Variants in SOX5 observed in about 807,000 individuals in gnomAD.
SOX5 encodes SRY-box transcription factor 5.
In SOX5, 9 loss-of-function variants were observed where a neutral mutation model predicts 92.0. The observed-to-expected ratio is 0.10, with a 90% CI of 0.06 to 0.17. SOX5 has a LOEUF of 0.17. SOX5 is among the 10% of genes least tolerant of loss of function. The pLI is 1.00. For synonymous variants in SOX5, 344 were observed against 336.3 expected, an observed-to-expected ratio of 1.02 and a Z score of -0.25; for missense variants, 642 against 944.5, an observed-to-expected ratio of 0.68 and a Z score of 4.20.
At chr12:24,420,742 A>G (rs973882753) in intron 1 of SOX5, among the ~76,000 whole-genome samples, 1 of 152,196 alleles carries the variant, frequency 6.6e-6, no homozygotes, top group African/African-American at 2.4e-5. Flanking sequence ...TGCAACCCCT[A>G]ATAAATTAAT....
At chr12:24,171,525 C>T (rs1044560719) in intron 4 of SOX5, among the ~76,000 whole-genome samples, 6 of 151,988 alleles carry the variant, frequency 3.9e-5, no homozygotes, top group African/African-American at 1.5e-4. Flanking sequence ...GCCTGGCCAG[C>T]CAACAGACAG....
chr12:23,836,617 A>T (rs2096417715), intron 3 of SOX5, among the ~76,000 whole-genome samples: 1 of 151,908 alleles, frequency 6.6e-6, no homozygotes, highest in Non-Finnish European at 1.5e-5. Context: ...AATTTGTGTT[A>T]GTTTGCTGTT....
intron 4 of SOX5, among the ~76,000 whole-genome samples, chr12:23,983,105 AT>A (rs62869160): frequency 0.32 from 46,771 of 145,054 alleles, 7,740 homozygotes; most frequent in Middle Eastern, 0.39. Flanking sequence ...TCTGGAGTCC[AT>A]TTTTTTTTTT....
chr12:23,789,820 T>G (rs1004815324), intron 3 of SOX5, among the ~76,000 whole-genome samples: 1 of 152,130 alleles, frequency 6.6e-6, no homozygotes, highest in African/African-American at 2.4e-5. Context: ...ACCAGATATA[T>G]GTGAGAAAGA....
intron 9 of SOX5, among the ~76,000 whole-genome samples, chr12:23,585,905 CATAATAAAAG>C (rs1378930297): frequency 2.0e-5 from 3 of 152,058 alleles, no homozygotes; most frequent in Non-Finnish European, 4.4e-5. Flanking sequence ...ACCCCATTTG[CATAATAAAAG>C]ATTCACGGGC....
chr12:24,086,846 C>G (rs1046444186), intron 4 of SOX5, among the ~76,000 whole-genome samples: 7 of 151,896 alleles, frequency 4.6e-5, no homozygotes, highest in Admixed American at 1.3e-4. Context: ...CTGTGAGACA[C>G]AAAAACACAG....
chr12:24,337,343 T>TTC (rs1952026210), intron 2 of SOX5, among the ~76,000 whole-genome samples: 1 of 151,162 alleles, frequency 6.6e-6, no homozygotes, highest in Admixed American at 6.6e-5. Context: ...GATTTTTCTT[T>TTC]TTTTTTTTTT....
At chr12:24,423,835 G>A (rs1966304791) in intron 1 of SOX5, among the ~76,000 whole-genome samples, 1 of 152,130 alleles carries the variant, frequency 6.6e-6, no homozygotes. Flanking sequence ...AGGTGTCCTA[G>A]GAGGTCTGCT....
intron 4 of SOX5, among the ~76,000 whole-genome samples, chr12:24,062,522 A>C (rs1241231299): frequency 6.6e-6 from 1 of 152,184 alleles, no homozygotes; most frequent in Non-Finnish European, 1.5e-5. Context: ...AAGCCAACTG[A>C]GACTCAGACC....
chr12:24,339,141 T>A (rs1316335491), intron 2 of SOX5, among the ~76,000 whole-genome samples: 1 of 71,718 alleles, frequency 1.4e-5, no homozygotes, highest in Admixed American at 1.5e-4. Flanking sequence ...TGTCTCTGTT[T>A]CTCTCTCTCT....
intron 4 of SOX5, among the ~76,000 whole-genome samples, chr12:24,152,235 T>C (rs756937875): frequency 5.2e-4 from 79 of 152,336 alleles, no homozygotes; most frequent in Middle Eastern, 3.4e-3. Context: ...AAGATTTTTG[T>C]TCATTAATTA....
At chr12:24,376,290 G>A (rs1957250395) in intron 1 of SOX5, among the ~76,000 whole-genome samples, 1 of 152,166 alleles carries the variant, frequency 6.6e-6, no homozygotes, top group African/African-American at 2.4e-5. Context: ...GAACCCATGG[G>A]CCTTATTCTC....
At chr12:24,468,653 C>G (rs1944473411) in intron 1 of SOX5, among the ~76,000 whole-genome samples, 1 of 152,128 alleles carries the variant, frequency 6.6e-6, no homozygotes, top group Non-Finnish European at 1.5e-5. Context: ...TGTTTTTATT[C>G]TTGTATGTCT....
At chr12:24,095,124 C>CAGAGAGAGAGAGAGAGAGAGAG (rs1295495095) in intron 4 of SOX5, among the ~76,000 whole-genome samples, 4 of 105,034 alleles carry the variant, frequency 3.8e-5, no homozygotes, top group Non-Finnish European at 8.1e-5. Context: ...CACACACACA[C>CAGAGAGAGAGAGAGAGAGAGAG]ACACAGAGAG....
At chr12:24,415,430 T>A (rs939687673) in intron 1 of SOX5, among the ~76,000 whole-genome samples, 12 of 152,334 alleles carry the variant, frequency 7.9e-5, no homozygotes, top group East Asian at 5.8e-4. Context: ...ATGTTTTTTT[T>A]ATACACATAA....
intron 4 of SOX5, among the ~76,000 whole-genome samples, chr12:24,088,282 AC>A (rs542360049): frequency 8.0e-4 from 122 of 152,048 alleles, no homozygotes; most frequent in African/African-American, 2.7e-3. Flanking sequence ...GCTTTTCCTT[AC>A]CCCTGTAATT....
chr12:24,038,412 T>C (rs1472601476), intron 4 of SOX5, among the ~76,000 whole-genome samples: 1 of 152,192 alleles, frequency 6.6e-6, no homozygotes, highest in African/African-American at 2.4e-5. Flanking sequence ...GAACAGGATT[T>C]CACTAGTCCT....
chr12:23,721,330 C>G (rs1158248921), intron 6 of SOX5, among the ~76,000 whole-genome samples: 1 of 152,060 alleles, frequency 6.6e-6, no homozygotes, highest in African/African-American at 2.4e-5. Flanking sequence ...GGTGATCCAC[C>G]AGCCTCAGCC....
intron 3 of SOX5, among the ~76,000 whole-genome samples, chr12:24,213,922 C>G (rs1432548341): frequency 1.3e-5 from 2 of 151,638 alleles, no homozygotes; most frequent in Non-Finnish European, 2.9e-5. Flanking sequence ...CAATTACAAC[C>G]ATTTTTTATA....
Sources: allele counts gnomAD v4.1 joint callset (sites outside exome capture counted in the v4.1 genomes callset), GRCh38; gene constraint gnomAD v4.1.1; transcripts MANE v1.5; gene names NCBI Gene and HGNC (gene_info 2026-07-23, HGNC 2026-07-21).